The following DMD variants were observed in gnomAD, a reference collection of about 807,000 sequenced individuals.
DMD encodes the protein dystrophin, also known as mutant dystrophin.
In DMD, 63 loss-of-function variants were observed where a neutral mutation model predicts 330.1. The ratio of observed to expected loss-of-function variants is 0.19; its 90% CI spans 0.16 to 0.24. DMD has a LOEUF of 0.24. Ranked by LOEUF, DMD falls within the 10% of genes least tolerant of loss-of-function variation. DMD has a pLI of 1.00. For synonymous variants in DMD, 1,223 were observed against 959.8 expected, an observed-to-expected ratio of 1.27 and a Z score of -5.07; for missense variants, 3,344 against 2,684.1, an observed-to-expected ratio of 1.25 and a Z score of -5.43.
intron 30 of DMD, among the ~76,000 whole-genome samples, chrX:32,396,559 A>G (rs1190591339): frequency 9.0e-6 from 1 of 111,304 alleles, no homozygotes; most frequent in Non-Finnish European, 1.9e-5. Context: ...ATTTATTAAT[A>G]TATATTGTGT....
chrX:31,845,819 G>A (rs2093416941), intron 48 of DMD, among the ~76,000 whole-genome samples: 1 of 111,576 alleles, frequency 9.0e-6, no homozygotes, highest in Non-Finnish European at 1.9e-5. Context: ...TTTCAGGTTG[G>A]AGACATGAGT....
At chrX:32,169,952 A>G (rs1022871381) in intron 44 of DMD, among the ~76,000 whole-genome samples, 1 of 112,191 alleles carries the variant, frequency 8.9e-6, no homozygotes, top group Non-Finnish European at 1.9e-5. Context: ...TTTTAAAAGA[A>G]AAAATAGCAA....
chrX:31,567,734 A>AT (rs76078370), intron 55 of DMD, among the ~76,000 whole-genome samples: 5,421 of 107,988 alleles, frequency 0.05, 175 homozygotes, highest in East Asian at 0.16. Flanking sequence ...ATCTCACTTT[A>AT]TTTTTTTTTG....
At chrX:31,515,714 A>G (rs1201363930) in intron 55 of DMD, among the ~76,000 whole-genome samples, 1 of 112,160 alleles carries the variant, frequency 8.9e-6, no homozygotes, top group Non-Finnish European at 1.9e-5. Flanking sequence ...CCAGGGTCAC[A>G]CAGTGTGGAA....
At chrX:32,840,401 C>T (rs888633156) in intron 4 of DMD, among the ~76,000 whole-genome samples, 6 of 111,160 alleles carry the variant, frequency 5.4e-5, no homozygotes, top group Admixed American at 2.9e-4. Flanking sequence ...ATATATGGCC[C>T]GTGGAGTTTC....
intron 3 of DMD, among the ~76,000 whole-genome samples, chrX:32,847,439 T>C (rs1210522972): frequency 8.9e-6 from 1 of 112,162 alleles, no homozygotes; most frequent in Non-Finnish European, 1.9e-5. Context: ...CAAATGCAGA[T>C]GCTTCTGAGT....
At chrX:31,236,169 G>T (rs184600723) in intron 63 of DMD, among the ~76,000 whole-genome samples, 2 of 112,372 alleles carry the variant, frequency 1.8e-5, no homozygotes, top group Admixed American at 1.9e-4. Context: ...AAAGTCACTC[G>T]TTAAAAATGG....
intron 17 of DMD, among the ~76,000 whole-genome samples, chrX:32,539,410 C>A: frequency 9.0e-6 from 1 of 110,535 alleles, no homozygotes; most frequent in Non-Finnish European, 1.9e-5. Context: ...AAAAAAGAAG[C>A]AAATCATCTA....
intron 29 of DMD, among the ~76,000 whole-genome samples, chrX:32,423,293 T>G (rs1056834667): frequency 1.9e-5 from 2 of 106,715 alleles, no homozygotes; most frequent in Non-Finnish European, 3.9e-5. Context: ...ATAACTCAAC[T>G]ATCAAATTAT....
At position 32,815,520 on chromosome X, in the gene DMD, T is replaced by TATATATATATATATATACACACAC; in HGVS notation, c.530+947_530+948insGTGTGTGTATATATATATATATAT. ...ATATATATATATATATATATATATA[T>TATATATATATATATATACACACAC]ACACACACACACACACATATATATA... On this transcript the variant is annotated intron_variant, in intron 6 of 78. Coordinates refer to ENST00000357033, the MANE Select transcript of DMD (RefSeq NM_004006.3). Among the ~76,000 whole-genome samples, 70 of 78,860 alleles carry TATATATATATATATATACACACAC rather than the reference T, an allele frequency of 8.9e-4. 1 individual carries two copies. Among genetic ancestry groups the TATATATATATATATATACACACAC allele is most frequent in the African/African-American group, 3.4e-3 (63 of 18,795 alleles). 68.5% of individuals were successfully genotyped at this position (78,860 alleles called of 115,157 possible).
chrX:31,351,176 A>C (rs1483980465), intron 60 of DMD, among the ~76,000 whole-genome samples: 1 of 110,876 alleles, frequency 9.0e-6, no homozygotes, highest in Non-Finnish European at 1.9e-5. Flanking sequence ...ACACACACAC[A>C]CACATATACA....
At chrX:32,074,421 A>G (rs1358856263) in intron 44 of DMD, among the ~76,000 whole-genome samples, 3 of 112,349 alleles carry the variant, frequency 2.7e-5, no homozygotes, top group Non-Finnish European at 5.6e-5. Flanking sequence ...ACTTTAAGAC[A>G]TAAAGTCAGA....
chrX:32,870,989 C>CAAAAAAAAA (rs1569537099), intron 2 of DMD, among the ~76,000 whole-genome samples: 1 of 28,903 alleles, frequency 3.5e-5, no homozygotes. Context: ...AAAAAAAAAA[C>CAAAAAAAAA]CACAAAACCC....
rs1296367735 is a variant in DMD, at chrX:32,888,063, T to C, written c.94-38243A>G. On this transcript the variant is annotated intron_variant, in intron 2 of 78. Transcript: ENST00000357033. ...ATATGGGCAAAGGACCTCAACAGAC[T>C]TTTTTTTTGAAATAAAAAAGCTTTT... Among the ~76,000 whole-genome samples, 3 of 106,965 alleles carry C rather than the reference T, an allele frequency of 2.8e-5. No individual in the cohort carries two copies. In the Admixed American group the frequency reaches 3.4e-4, roughly 12 times the overall value. The allele number at this position is 106,965 out of a possible 115,157, so 92.9% of individuals were successfully genotyped here.
intron 2 of DMD, among the ~76,000 whole-genome samples, chrX:32,917,264 G>A (rs1020657067): frequency 1.3e-4 from 14 of 106,030 alleles, no homozygotes; most frequent in African/African-American, 4.5e-4. Flanking sequence ...CCCCAGTCAT[G>A]TGGAACTTTG....
chrX:33,078,204 T>C (rs1360502239), intron 1 of DMD, among the ~76,000 whole-genome samples: 1 of 111,631 alleles, frequency 9.0e-6, no homozygotes, highest in Non-Finnish European at 1.9e-5. Flanking sequence ...AGGAACCTTG[T>C]ACAGGGACTC....
At chrX:31,436,626 C>T (rs1381612108) in intron 60 of DMD, among the ~76,000 whole-genome samples, 1 of 112,095 alleles carries the variant, frequency 8.9e-6, no homozygotes, top group Non-Finnish European at 1.9e-5. Context: ...GTTGTACAAA[C>T]ATTGAAAACC....
intron 6 of DMD, among the ~76,000 whole-genome samples, chrX:32,813,409 T>G (rs1465454097): frequency 9.0e-6 from 1 of 111,246 alleles, no homozygotes; most frequent in Non-Finnish European, 1.9e-5. Context: ...ATTTAAATCC[T>G]AGCTCTACCA....
chrX:31,682,269 T>C (rs937139805), intron 52 of DMD, among the ~76,000 whole-genome samples: 1 of 111,420 alleles, frequency 9.0e-6, no homozygotes, highest in Admixed American at 9.5e-5. Context: ...TTTGGGTGTT[T>C]GCTATGTATT....
Sources: gnomAD v4.1 joint callset for allele counts (sites outside exome capture counted in the v4.1 genomes callset) on GRCh38, gnomAD v4.1.1 for gene constraint, MANE v1.5 for transcripts, NCBI Gene and HGNC (gene_info 2026-07-23, HGNC 2026-07-21) for gene names.